Variants in NCAM1 observed in about 807,000 individuals in gnomAD.
NCAM1 encodes the protein antigen recognized by monoclonal antibody 5.1H11.
Under a neutral mutation model 109.8 loss-of-function variants are expected in NCAM1, and 14 were observed. That is an observed-to-expected ratio of 0.13 (90% CI 0.08 to 0.20). The LOEUF (loss-of-function observed/expected upper bound fraction) is 0.20. Among genes scored for constraint, NCAM1 ranks in the 10% least tolerant of loss-of-function variants. The pLI is 1.00. For missense variants in NCAM1, 774 were observed against 1,109.9 expected, an observed-to-expected ratio of 0.70 and a Z score of 4.30; for synonymous variants, 418 against 442.9, an observed-to-expected ratio of 0.94 and a Z score of 0.70.
intron 1 of NCAM1, among the ~76,000 whole-genome samples, chr11:113,027,426 T>C (rs1952580739): frequency 1.3e-5 from 2 of 152,216 alleles, no homozygotes; most frequent in Non-Finnish European, 2.9e-5. Flanking sequence ...CATTATAGTA[T>C]GATGAGTCTC....
At chr11:113,082,512 T>C (rs782503770) in intron 1 of NCAM1, among the ~76,000 whole-genome samples, 5 of 152,230 alleles carry the variant, frequency 3.3e-5, no homozygotes, top group African/African-American at 1.2e-4. Context: ...CTAACTATAA[T>C]CTGATATTGA....
At chr11:112,967,221 T>A (rs1950750539) in intron 1 of NCAM1, among the ~76,000 whole-genome samples, 1 of 152,232 alleles carries the variant, frequency 6.6e-6, no homozygotes, top group African/African-American at 2.4e-5. Context: ...ATTAATCACC[T>A]CCTTTGGTAT....
At chr11:113,064,198 C>A (rs1362729712) in intron 1 of NCAM1, among the ~76,000 whole-genome samples, 5 of 152,234 alleles carry the variant, frequency 3.3e-5, no homozygotes, top group Admixed American at 1.3e-4. Context: ...TGCAGTCCCA[C>A]TTCTCATTGC....
intron 17 of NCAM1, chr11:113,265,225 A>G (rs1555124206): frequency 1.1e-6 from 1 of 940,810 alleles, no homozygotes; most frequent in Non-Finnish European, 1.3e-6. Flanking sequence ...ATTTTATTCA[A>G]TAGTTGTGTC....
chr11:113,063,949 G>A (rs955119343), intron 1 of NCAM1, among the ~76,000 whole-genome samples: 2 of 152,144 alleles, frequency 1.3e-5, no homozygotes, highest in Non-Finnish European at 2.9e-5. Context: ...TTGTCCCTTT[G>A]TAAAGAGATA....
intron 1 of NCAM1, among the ~76,000 whole-genome samples, chr11:113,046,847 TGGAC>T (rs1319658892): frequency 6.2e-5 from 9 of 146,118 alleles, no homozygotes; most frequent in African/African-American, 2.3e-4. Flanking sequence ...AGGACATAGA[TGGAC>T]AGACAGAAGA....
At chr11:113,036,421 T>G (rs1411706576) in intron 1 of NCAM1, among the ~76,000 whole-genome samples, 2 of 151,888 alleles carry the variant, frequency 1.3e-5, no homozygotes, top group African/African-American at 4.8e-5. Flanking sequence ...TCCTCTAGGG[T>G]GCCTCTCCCC....
intron 1 of NCAM1, among the ~76,000 whole-genome samples, chr11:113,189,849 G>A (rs191518073): frequency 1.1e-3 from 160 of 145,022 alleles, no homozygotes; most frequent in African/African-American, 3.8e-3. Context: ...AAATAAAAAT[G>A]CTACCATAAA....
At chr11:113,125,469 C>T (rs1473825584) in intron 1 of NCAM1, among the ~76,000 whole-genome samples, 10 of 152,190 alleles carry the variant, frequency 6.6e-5, no homozygotes, top group Admixed American at 2.6e-4. Context: ...TAACATTTAT[C>T]GCCCTTACGT....
In NCAM1 at chr11:113,015,429, T is replaced by C. The variant is rs144278358; in HGVS notation, c.52+53765T>C. Among the ~76,000 whole-genome samples the C allele has an allele frequency of 2.0e-5, 3 of 152,312 alleles. No individual in the cohort carries two copies. The East Asian group carries it at 5.8e-4, about 29-fold the overall frequency. ...GTAACCCTCTGATGCCATTTTATGA[T>C]AGACACTTTAAGATAGATGGTTTAG... On this transcript the variant is annotated intron_variant, in intron 1 of 19. Transcript: ENST00000316851.
At chr11:113,261,890 G>A (rs2156484) in intron 17 of NCAM1, among the ~76,000 whole-genome samples, 2,112 of 152,234 alleles carry the variant, frequency 0.014, 44 homozygotes, top group African/African-American at 0.047. Context: ...TGTGGTTTTT[G>A]TGTCAGAGAC....
chr11:113,217,579 T>G (rs943575079), intron 8 of NCAM1, among the ~76,000 whole-genome samples: 2 of 152,164 alleles, frequency 1.3e-5, no homozygotes, highest in African/African-American at 2.4e-5. Context: ...GATGCCATCA[T>G]GCAGAAAAAG....
intron 1 of NCAM1, among the ~76,000 whole-genome samples, chr11:113,140,366 T>C (rs782421539): frequency 5.3e-5 from 8 of 152,086 alleles, no homozygotes; most frequent in Non-Finnish European, 1.0e-4. Flanking sequence ...TAGGTCAGTG[T>C]TTCTGGTAAA....
Position 113,273,188 on chromosome 11 carries a change from C to T in NCAM1, c.2456+1312C>T. On this transcript the variant is annotated intron_variant, in intron 19 of 19. Coordinates refer to ENST00000316851, the MANE Select transcript of NCAM1 (RefSeq NM_181351.5). This position sits in a 1 kb window ranked among gnomAD's most constrained non-coding sequence, Gnocchi z 6.0. ...CCTCCCCGGCCCCAGCTTCAGCCCC[C>T]AAGGTCGCCCCCCTCGTTGACCTGA... The T allele has an allele frequency of 2.5e-6, 1 of 392,320 alleles. No individual in the cohort carries two copies. Among genetic ancestry groups the T allele is most frequent in the Admixed American group, 2.9e-5 (1 of 34,192 alleles). 24.3% of individuals were successfully genotyped at this position (392,320 alleles called of 1,614,324 possible).
chr11:113,272,497 T>C (rs1555125675), intron 19 of NCAM1, among the ~76,000 whole-genome samples: 1 of 152,110 alleles, frequency 6.6e-6, no homozygotes, highest in Non-Finnish European at 1.5e-5. Flanking sequence ...ATCGGTGCCC[T>C]GGGGAGCCCT....
At chr11:113,207,195 C>G in intron 5 of NCAM1, 66 bp from the exon 6 acceptor site, 2 of 1,321,718 alleles carry the variant, frequency 1.5e-6, no homozygotes, top group Non-Finnish European at 2.2e-6. Context: ...AGTGGTGTCT[C>G]TTCTCCAGGC....
intron 7 of NCAM1, among the ~76,000 whole-genome samples, chr11:113,213,560 C>T (rs1434172470): frequency 6.6e-6 from 1 of 152,174 alleles, no homozygotes; most frequent in Admixed American, 6.5e-5. Flanking sequence ...TTCTCCCAGT[C>T]GTTGAGACTC....
chr11:113,036,163 C>A (rs1952876765), intron 1 of NCAM1, among the ~76,000 whole-genome samples: 1 of 152,088 alleles, frequency 6.6e-6, no homozygotes, highest in African/African-American at 2.4e-5. Flanking sequence ...TGAGCCTGAT[C>A]CTGCCACTCT....
At chr11:112,977,338 T>C (rs1472023040) in intron 1 of NCAM1, 8 of 151,998 alleles carry the variant, frequency 5.3e-5, no homozygotes, top group African/African-American at 1.9e-4. Context: ...TGGATTACTA[T>C]TAAAATGCAA....
Sources: allele counts gnomAD v4.1 joint callset (sites outside exome capture counted in the v4.1 genomes callset), GRCh38; gene constraint gnomAD v4.1.1; non-coding constraint Gnocchi (gnomAD v3.1); transcripts MANE v1.5; gene names NCBI Gene and HGNC (gene_info 2026-07-23, HGNC 2026-07-21).